Variants in MECOM observed in about 807,000 individuals in gnomAD.
MECOM encodes the protein MDS1 and EVI1 complex locus.
MECOM carries 13 observed loss-of-function variants against 116.3 expected under a neutral mutation model. That is an observed-to-expected ratio of 0.11 (90% CI 0.07 to 0.18). MECOM has a LOEUF of 0.18. Among genes scored for constraint, MECOM ranks in the 10% least tolerant of loss-of-function variants. The pLI is 1.00. For synonymous variants in MECOM, 528 were observed against 535.2 expected, an observed-to-expected ratio of 0.99 and a Z score of 0.19; for missense variants, 1,299 against 1,509.0, an observed-to-expected ratio of 0.86 and a Z score of 2.31.
chr3:169,478,729 A>G (rs112651751), intron 1 of MECOM, among the ~76,000 whole-genome samples: 5 of 152,334 alleles, frequency 3.3e-5, no homozygotes, highest in African/African-American at 1.2e-4. Flanking sequence ...AGGAGAAGGG[A>G]TGCCAATTCC....
intron 2 of MECOM, among the ~76,000 whole-genome samples, chr3:169,320,579 T>C (rs557958149): frequency 2.4e-4 from 37 of 152,184 alleles, no homozygotes; most frequent in Middle Eastern, 3.4e-3. Flanking sequence ...CTGATTATCA[T>C]GGTATAAGAG....
rs116380309 is a variant in MECOM at position 169,618,955 on chromosome 3, G to A, written c.37+44381C>T. On this transcript the variant is annotated intron_variant, in intron 1 of 16. Coordinates refer to ENST00000651503, the MANE Select transcript of MECOM (RefSeq NM_004991.4). ...CCACCGTCCTCTAAGAAAAAAGACA[G>A]TTGTTTCTTCTGCTTAGTAGCAGCA... 6.1e-3 allele frequency among the ~76,000 whole-genome samples: 918 copies of A among 151,666 alleles called. 10 individuals carry two copies. Among genetic ancestry groups the A allele is most frequent in the African/African-American group, 0.021 (884 of 41,320 alleles).
chr3:169,322,325 G>C (rs1446898406), intron 2 of MECOM, among the ~76,000 whole-genome samples: 3 of 152,082 alleles, frequency 2.0e-5, no homozygotes, highest in Non-Finnish European at 4.4e-5. Context: ...GGCCAGATTG[G>C]GAATTAGGTG....
chr3:169,410,407 G>C (rs1377756490), intron 1 of MECOM, among the ~76,000 whole-genome samples: 2 of 152,168 alleles, frequency 1.3e-5, no homozygotes, highest in South Asian at 4.1e-4. Context: ...GAACCTCATT[G>C]ACATGGCCTT....
intron 2 of MECOM, among the ~76,000 whole-genome samples, chr3:169,361,984 C>A (rs951105601): frequency 2.6e-5 from 4 of 151,832 alleles, no homozygotes; most frequent in African/African-American, 9.7e-5. Context: ...ATATAAAATG[C>A]AGAGAGAGAT....
At chr3:169,549,099 G>A (rs1334117851) in intron 1 of MECOM, among the ~76,000 whole-genome samples, 2 of 151,014 alleles carry the variant, frequency 1.3e-5, no homozygotes, top group African/African-American at 2.4e-5. Context: ...TCAGCCTCCC[G>A]AGTAGCTGGG....
chr3:169,561,777 G>A (rs1762661646), intron 1 of MECOM, among the ~76,000 whole-genome samples: 2 of 152,102 alleles, frequency 1.3e-5, no homozygotes, highest in East Asian at 3.8e-4. Context: ...AACTGAATGC[G>A]TATTTGCAGA....
chr3:169,144,238 CTTTAA>C (rs66521970), intron 2 of MECOM, among the ~76,000 whole-genome samples: 21,452 of 136,164 alleles, frequency 0.16, 2,027 homozygotes, highest in Non-Finnish European at 0.21. Flanking sequence ...CATTTTTGCA[CTTTAA>C]TTTAAAAACT....
At chr3:169,176,192 T>C (rs956790317) in intron 2 of MECOM, among the ~76,000 whole-genome samples, 1 of 151,518 alleles carries the variant, frequency 6.6e-6, no homozygotes, top group African/African-American at 2.4e-5. Context: ...CTAATTTCTG[T>C]TGGGCCTCAT....
At chr3:169,095,988 T>G (rs1260126304) in intron 12 of MECOM, among the ~76,000 whole-genome samples, 2 of 152,156 alleles carry the variant, frequency 1.3e-5, no homozygotes, top group East Asian at 1.9e-4. Context: ...TGGTTTTTCA[T>G]GAAAGCACTT....
intron 2 of MECOM, among the ~76,000 whole-genome samples, chr3:169,253,814 T>C (rs774024290): frequency 3.9e-5 from 6 of 152,120 alleles, no homozygotes; most frequent in Non-Finnish European, 8.8e-5. Flanking sequence ...TGAAATGATC[T>C]ACCCTAATCA....
intron 1 of MECOM, among the ~76,000 whole-genome samples, chr3:169,446,856 T>C (rs1424302799): frequency 1.3e-5 from 2 of 152,178 alleles, no homozygotes; most frequent in Non-Finnish European, 2.9e-5. Context: ...ACTGCCCTCA[T>C]CCCTATCAGG....
Position 169,084,277 on chromosome 3 carries a change from G to A in MECOM, c.*632C>T. The A allele has an allele frequency of 4.3e-6, 1 of 230,840 alleles. No homozygotes were observed. The highest frequency in any genetic ancestry group is 8.6e-6 in the Non-Finnish European group (1 of 116,572). 14.3% of individuals were successfully genotyped at this position (230,840 alleles called of 1,614,324 possible). ...CTTCACTGACTTAACCTCTTTGAGT[G>A]TTAACATCCATAGTTTACAATATAC... On this transcript the variant is annotated 3_prime_UTR_variant, in exon 17 of 17. Coordinates refer to ENST00000651503, the MANE Select transcript of MECOM (RefSeq NM_004991.4).
chr3:169,112,635 G>T, intron 9 of MECOM, 152 bp downstream of exon 9: 1 of 628,538 alleles, frequency 1.6e-6, no homozygotes. Flanking sequence ...AAAGAGTTTG[G>T]GTTTTAATTC....
chr3:169,268,157 G>A (rs2149642577), intron 2 of MECOM, among the ~76,000 whole-genome samples: 1 of 152,106 alleles, frequency 6.6e-6, no homozygotes, highest in African/African-American at 2.4e-5. Context: ...AAATCATCTG[G>A]GATGGAAAAT....
chr3:169,305,515 C>T lies in MECOM; in HGVS notation c.375+75672G>A, dbSNP rs371701384. On this transcript the variant is annotated intron_variant, in intron 2 of 16. Coordinates refer to ENST00000651503, the MANE Select transcript of MECOM (RefSeq NM_004991.4). ...AGAAAAAAAGAACAAACATGGAGGG[C>T]GGCAGGCAGAGAGTGCCTTGCCAGT... Among the ~76,000 whole-genome samples the T allele has an allele frequency of 3.3e-5, 5 of 152,188 alleles. No individual in the cohort carries two copies. The East Asian group carries it at 5.8e-4, about 18-fold the overall frequency.
intron 2 of MECOM, among the ~76,000 whole-genome samples, chr3:169,236,291 C>T (rs959931220): frequency 3.9e-5 from 6 of 152,162 alleles, no homozygotes; most frequent in Non-Finnish European, 7.4e-5. Context: ...CTATCCAGCA[C>T]ATAAAACTTG....
intron 1 of MECOM, among the ~76,000 whole-genome samples, chr3:169,650,131 T>A (rs979606596): frequency 2.0e-5 from 3 of 152,268 alleles, no homozygotes; most frequent in Non-Finnish European, 4.4e-5. Flanking sequence ...GGCTTTAGTG[T>A]GTAACACTAT....
At chr3:169,481,979 A>C (rs1454945064) in intron 1 of MECOM, among the ~76,000 whole-genome samples, 2 of 152,188 alleles carry the variant, frequency 1.3e-5, no homozygotes, top group East Asian at 3.8e-4. Context: ...TGTAAAGTAC[A>C]ACTCTTGAGA....
Sources: allele counts gnomAD v4.1 joint callset (sites outside exome capture counted in the v4.1 genomes callset), GRCh38; gene constraint gnomAD v4.1.1; transcripts MANE v1.5; gene names NCBI Gene and HGNC (gene_info 2026-07-23, HGNC 2026-07-21).